Variants in TOPBP1 observed in about 807,000 individuals in gnomAD.
The protein encoded by TOPBP1 is DNA topoisomerase 2-binding protein 1.
In TOPBP1, 28 loss-of-function variants were observed where a neutral mutation model predicts 167.7. The ratio of observed to expected loss-of-function variants is 0.17; its 90% CI spans 0.12 to 0.23. TOPBP1 has a LOEUF of 0.23. Ranked by LOEUF, TOPBP1 falls within the 10% of genes least tolerant of loss-of-function variation. The probability of loss-of-function intolerance (pLI) is 1.00; values close to 1 mark genes in which losing one functional copy is unlikely to be tolerated. For missense variants in TOPBP1, 1,554 were observed against 1,809.6 expected (o/e 0.86, Z 2.56); for synonymous variants, 598 against 611.4 (o/e 0.98, Z 0.32).
chr3:133,645,940 A>G (rs1238218940), intron 10 of TOPBP1, among the ~76,000 whole-genome samples: 1 of 152,096 alleles, frequency 6.6e-6, no homozygotes, highest in African/African-American at 2.4e-5. Context: ...CAAGGTCAGG[A>G]GTTCAAGAGC....
chr3:133,650,833 G>T (rs1346009303), intron 8 of TOPBP1, among the ~76,000 whole-genome samples: 1 of 152,166 alleles, frequency 6.6e-6, no homozygotes, highest in Non-Finnish European at 1.5e-5. Flanking sequence ...TCTGAGCCAG[G>T]TGTGGTGGCT....
At position 133,659,051 on chromosome 3, in the gene TOPBP1, G is replaced by A. The variant is rs750975961; in HGVS notation, c.184C>T (p.Pro62Ser). Reference sequence around the variant, plus strand: ...TGATCAAAGACAACGCCACTAAAAGGGTCACAGATATAAAGTGATCTATCA... The same window carrying A: ...TGATCAAAGACAACGCCACTAAAAGAGTCACAGATATAAAGTGATCTATCA... ...ENDRSLYICD[P>S]FSGVVFDHLK... The change falls in exon 3 of 28, where the codon CCT becomes TCT. Residue 62 changes from proline (P) to serine (S), a missense_variant. By Grantham distance (74) the Pro-to-Ser change is moderately conservative (BLOSUM62 -1). This residue lies in a region of TOPBP1 where 1,197 missense variants were observed against 1,351.5 expected (regional missense o/e 0.89). Coordinates refer to ENST00000260810, the MANE Select transcript of TOPBP1 (RefSeq NM_007027.4). 5.6e-6 allele frequency: 9 copies of A among 1,599,808 alleles called. No homozygotes were observed. The African/African-American group carries it at 1.2e-4, about 21-fold the overall frequency.
chr3:133,642,614 G>C (rs1660125355), intron 12 of TOPBP1, among the ~76,000 whole-genome samples: 1 of 152,188 alleles, frequency 6.6e-6, no homozygotes, highest in South Asian at 2.1e-4. Context: ...CTTCAAAGTG[G>C]TGGTGTATTC....
intron 14 of TOPBP1, among the ~76,000 whole-genome samples, chr3:133,629,811 G>T (rs551198614): frequency 2.6e-5 from 4 of 152,096 alleles, no homozygotes; most frequent in Middle Eastern, 3.4e-3. Context: ...TTTTGAGACG[G>T]AGTCTCGCTC....
chr3:133,646,086 G>A (rs1412096470), intron 10 of TOPBP1, among the ~76,000 whole-genome samples: 3 of 151,866 alleles, frequency 2.0e-5, no homozygotes, highest in Non-Finnish European at 4.4e-5. Flanking sequence ...GGCAGAGGTT[G>A]CAGTGAGCCA....
chr3:133,651,646 A>G (rs963559793), intron 8 of TOPBP1, among the ~76,000 whole-genome samples: 7 of 152,228 alleles, frequency 4.6e-5, no homozygotes, highest in Non-Finnish European at 7.3e-5. Context: ...CAACAAACTT[A>G]TAAGACAGTT....
intron 6 of TOPBP1, among the ~76,000 whole-genome samples, chr3:133,654,744 T>A (rs749972170): frequency 3.9e-5 from 6 of 152,214 alleles, no homozygotes; most frequent in Non-Finnish European, 7.3e-5. Context: ...TTTTTCTTGT[T>A]CGTAATGTCT....
intron 18 of TOPBP1, 37 bp from the exon 19 acceptor site, chr3:133,623,230 G>A (rs1935154762): frequency 3.1e-6 from 5 of 1,610,466 alleles, no homozygotes; most frequent in African/African-American, 1.3e-5. Flanking sequence ...CTCAAACCAA[G>A]CCACTGTATA....
chr3:133,614,653 G>A (rs1262299482), intron 23 of TOPBP1, among the ~76,000 whole-genome samples: 1 of 152,058 alleles, frequency 6.6e-6, no homozygotes, highest in Non-Finnish European at 1.5e-5. Context: ...TTGCAGAGAT[G>A]GAAAAATCTA....
intron 14 of TOPBP1, among the ~76,000 whole-genome samples, chr3:133,632,917 C>T (rs568052453): frequency 2.0e-5 from 3 of 152,170 alleles, no homozygotes; most frequent in Non-Finnish European, 4.4e-5. Context: ...GGGCTACAGA[C>T]GTGCACCACC....
chr3:133,653,434 T>A lies in TOPBP1; in HGVS notation c.833A>T (p.Asp278Val). Reference protein sequence around the residue: ...FDSIEKGFCQDESIYKTEPRP... With the variant: ...FDSIEKGFCQVESIYKTEPRP... ...AGGTTCTGTCTTGTATATGGATTCA[T>A]CCTGACAAAAACCTTTCTCAATACT... The change falls in exon 7 of 28, where the codon GAT (aspartate) becomes GTT (valine). Residue 278 changes from aspartate (D) to valine (V), a missense_variant. Around this residue, in one of 3 missense-constraint regions of TOPBP1, gnomAD observed 1,197 missense variants for 1,351.5 expected, o/e 0.89. Coordinates refer to ENST00000260810, the MANE Select transcript of TOPBP1 (RefSeq NM_007027.4). The A allele has an allele frequency of 6.2e-7, 1 of 1,613,236 alleles. No homozygotes were observed. The highest frequency in any genetic ancestry group is 8.5e-7 in the Non-Finnish European group (1 of 1,179,660).
chr3:133,617,432 C>T, intron 21 of TOPBP1, 106 bp from the exon 22 acceptor site: 1 of 1,292,886 alleles, frequency 7.7e-7, no homozygotes. Flanking sequence ...CAAGCACAAA[C>T]TCTGGAATGT....
intron 5 of TOPBP1, among the ~76,000 whole-genome samples, chr3:133,656,136 T>C (rs922662416): frequency 1.3e-5 from 2 of 151,526 alleles, no homozygotes; most frequent in African/African-American, 4.9e-5. Context: ...CTAAGCTCCA[T>C]GAGGGAAGTG....
intron 10 of TOPBP1, among the ~76,000 whole-genome samples, chr3:133,645,492 A>G (rs571875363): frequency 6.6e-6 from 1 of 152,318 alleles, no homozygotes; most frequent in South Asian, 2.1e-4. Flanking sequence ...AAAGTTTTTT[A>G]AACAGTTTTG....
rs928760111 is a variant in TOPBP1, at chr3:133,636,658, C to T, written c.2520+1218G>A. Reference sequence around the variant, plus strand: ...GTCTCAATGACTGAAAATATCTCTACTATTTTCTTGCCCACCAATATTATT... The same window carrying T: ...GTCTCAATGACTGAAAATATCTCTATTATTTTCTTGCCCACCAATATTATT... On this transcript the variant is annotated intron_variant, in intron 14 of 27. Coordinates refer to ENST00000260810, the MANE Select transcript of TOPBP1 (RefSeq NM_007027.4). Among the ~76,000 whole-genome samples the T allele has an allele frequency of 1.1e-4, 17 of 152,248 alleles. No homozygotes were observed. In the South Asian group the frequency reaches 3.3e-3, roughly 30 times the overall value.
At chr3:133,631,885 A>C (rs547823880) in intron 14 of TOPBP1, among the ~76,000 whole-genome samples, 1 of 151,538 alleles carries the variant, frequency 6.6e-6, no homozygotes, top group Non-Finnish European at 1.5e-5. Context: ...TGATCCACCC[A>C]CCTTGGCCTC....
Position 133,608,627 on chromosome 3 carries a change from T to C in TOPBP1, c.4333A>G (p.Lys1445Glu). 1 of 1,613,802 alleles carries C rather than the reference T, an allele frequency of 6.2e-7. No individual in the cohort carries two copies. ...ATATTAACTCCTGAGTCATCTGGTTTCAGTTTATTCAAGTCAGAAAAAAGA... is the reference window on the plus strand; with the variant it reads ...ATATTAACTCCTGAGTCATCTGGTTCCAGTTTATTCAAGTCAGAAAAAAGA... Reference protein sequence around the residue: ...THLFSDLNKLKPDDSGVNIAE... With the variant: ...THLFSDLNKLEPDDSGVNIAE... Residue 1445 changes from lysine (K) to glutamate (E), a missense_variant, in exon 27 of 28, where the codon AAA becomes GAA. Coordinates refer to ENST00000260810, the MANE Select transcript of TOPBP1 (RefSeq NM_007027.4).
intron 27 of TOPBP1, among the ~76,000 whole-genome samples, chr3:133,601,640 A>G (rs1485363579): frequency 6.6e-6 from 1 of 152,178 alleles, no homozygotes; most frequent in Non-Finnish European, 1.5e-5. Context: ...TCTTACAAAC[A>G]TTTCATATCG....
At chr3:133,614,704 T>G (rs114173606) in intron 23 of TOPBP1, among the ~76,000 whole-genome samples, 5,235 of 152,196 alleles carry the variant, frequency 0.034, 126 homozygotes, top group Non-Finnish European at 0.054. Context: ...TCATGAGTTC[T>G]GGGTAAAGCT....
Sources: gnomAD v4.1 joint callset for allele counts (sites outside exome capture counted in the v4.1 genomes callset) on GRCh38, gnomAD v4.1.1 for gene constraint, gnomAD v4.1.1 regional missense constraint, MANE v1.5 for transcripts, NCBI Gene and HGNC (gene_info 2026-07-23, HGNC 2026-07-21) for gene names.